The following FBXO11 variants were observed in gnomAD, a reference collection of about 807,000 sequenced individuals.
The protein encoded by FBXO11 is F-box only protein 11.
FBXO11 carries 13 observed loss-of-function variants against 117.0 expected under a neutral mutation model. The ratio of observed to expected loss-of-function variants is 0.11; its 90% CI spans 0.07 to 0.18. FBXO11 has a LOEUF of 0.18. FBXO11 is among the 10% of genes least tolerant of loss of function. The probability of loss-of-function intolerance (pLI) is 1.00; values close to 1 mark genes in which losing one functional copy is unlikely to be tolerated. For missense variants in FBXO11, 767 were observed against 1,164.4 expected (o/e 0.66, Z 4.97); for synonymous variants, 490 against 380.5 (o/e 1.29, Z -3.35).
intron 3 of FBXO11, 27 bp from the exon 4 acceptor site, chr2:47,839,030 T>A (rs757614683): frequency 1.3e-6 from 2 of 1,580,870 alleles, no homozygotes; most frequent in South Asian, 1.2e-5. Context: ...ATATAAACTA[T>A]CATTCGAGCA....
Position 47,888,016 on chromosome 2 carries a change from G to GA in FBXO11, c.232+17472dup, listed in dbSNP as rs953503179. 1.4e-3 allele frequency among the ~76,000 whole-genome samples: 211 copies of GA among 147,228 alleles called. 1 individual carries two copies. The highest frequency in any genetic ancestry group is 4.5e-3 in the South Asian group (21 of 4,654). On this transcript the variant is annotated intron_variant, in intron 1 of 22. Coordinates refer to ENST00000403359, the MANE Select transcript of FBXO11 (RefSeq NM_001190274.2). ...TGGGTGAGAGAGTGAAACCTTGTCT[G>GA]AAAAAAAAAATCCCTAAAAAATGAA...
At chr2:47,819,489 C>A (rs553845029) in intron 14 of FBXO11, among the ~76,000 whole-genome samples, 2 of 152,212 alleles carry the variant, frequency 1.3e-5, no homozygotes, top group African/African-American at 4.8e-5. Flanking sequence ...GCTGGGATTA[C>A]AGGTGTGAGC....
chr2:47,833,122 G>T lies in FBXO11; in HGVS notation c.935-52C>A. The T allele has an allele frequency of 2.4e-6, 3 of 1,242,504 alleles. 1 individual carries two copies. The highest frequency in any genetic ancestry group is 3.5e-6 in the Non-Finnish European group (3 of 851,570). 77.0% of individuals were successfully genotyped at this position (1,242,504 alleles called of 1,614,324 possible). Reference sequence around the variant, plus strand: ...TTACCTTTATTCGATTTCAACAGATGGGTATCTTTATGGAGGGGGAACTTA... The same window carrying T: ...TTACCTTTATTCGATTTCAACAGATTGGTATCTTTATGGAGGGGGAACTTA... On this transcript the variant is annotated intron_variant, in intron 7 of 22. Transcript: ENST00000403359.
chr2:47,835,479 T>C (rs542552439), intron 5 of FBXO11, among the ~76,000 whole-genome samples: 18 of 152,266 alleles, frequency 1.2e-4, no homozygotes, highest in Non-Finnish European at 2.2e-4. Flanking sequence ...GGTTGATAAA[T>C]GTTCATTAAA....
intron 1 of FBXO11, among the ~76,000 whole-genome samples, chr2:47,901,283 T>C (rs1678282854): frequency 6.6e-6 from 1 of 151,178 alleles, no homozygotes; most frequent in African/African-American, 2.4e-5. Flanking sequence ...AGAGTAGAAA[T>C]GAATAGCAAA....
At chr2:47,852,329 A>G (rs920466349) in intron 1 of FBXO11, among the ~76,000 whole-genome samples, 2 of 152,158 alleles carry the variant, frequency 1.3e-5, no homozygotes, top group Non-Finnish European at 2.9e-5. Context: ...GGACCTCACC[A>G]GAGAGAGAAA....
rs116257278 is a variant in FBXO11, at chr2:47,854,566, C to A, written c.233-14797G>T. On this transcript the variant is annotated intron_variant, in intron 1 of 22. Transcript: ENST00000403359. Reference sequence around the variant, plus strand: ...CTGTATGACTGGACAAGTCAATTAACCTCTCTAGAATTCAATTCTTTGCCT... The same window carrying A: ...CTGTATGACTGGACAAGTCAATTAAACTCTCTAGAATTCAATTCTTTGCCT... Among the ~76,000 whole-genome samples, 834 of 152,104 alleles carry A rather than the reference C, an allele frequency of 5.5e-3. 4 individuals are homozygous for A. The highest frequency in any genetic ancestry group is 0.026 in the South Asian group (127 of 4,810).
At chr2:47,810,510 G>C (rs1196161257) in intron 18 of FBXO11, 84 bp from the exon 19 acceptor site, 2 of 777,032 alleles carry the variant, frequency 2.6e-6, no homozygotes, top group African/African-American at 3.6e-5. Context: ...TTTGCTTTTA[G>C]TTTCTTATTT....
chr2:47,872,985 A>T (rs755641173), intron 1 of FBXO11, among the ~76,000 whole-genome samples: 3 of 152,192 alleles, frequency 2.0e-5, no homozygotes, highest in Non-Finnish European at 2.9e-5. Context: ...ACTGGGGCAC[A>T]GGGCTCCACA....
intron 1 of FBXO11, among the ~76,000 whole-genome samples, chr2:47,848,461 CCT>C (rs1327776395): frequency 1.3e-5 from 2 of 152,176 alleles, no homozygotes; most frequent in African/African-American, 4.8e-5. Flanking sequence ...ACCACCCACC[CCT>C]CTGAGTCCGT....
intron 1 of FBXO11, among the ~76,000 whole-genome samples, chr2:47,882,502 G>C (rs1442437041): frequency 1.3e-5 from 2 of 151,774 alleles, no homozygotes; most frequent in African/African-American, 4.8e-5. Flanking sequence ...CTTCTATAGG[G>C]GTTTCAATTC....
chr2:47,841,127 G>A (rs1035843504), intron 1 of FBXO11, among the ~76,000 whole-genome samples: 1 of 151,930 alleles, frequency 6.6e-6, no homozygotes, highest in African/African-American at 2.4e-5. Flanking sequence ...GAACCCGGGA[G>A]GCAGAGCTTG....
chr2:47,905,580 C>CGGCGGA lies in FBXO11; in HGVS notation c.135_140dup (p.Pro48_Pro49dup), dbSNP rs1017331113. 13 of 1,258,536 alleles carry CGGCGGA rather than the reference C, an allele frequency of 1.0e-5. No individual in the cohort carries two copies. The highest frequency in any genetic ancestry group is 1.3e-5 in the Non-Finnish European group (13 of 1,006,166). 78.0% of individuals were successfully genotyped at this position (1,258,536 alleles called of 1,614,324 possible). A position where few individuals can be genotyped will look rare whatever the true frequency, so the allele number is the denominator to read the frequency against. On this transcript the variant is annotated inframe_insertion, in exon 1 of 23. Transcript: ENST00000403359. ...GCTGCTGCTGCTGCTGCTGCGGCGG[C>CGGCGGA]GGCGGAGGCTGCTGCTGGGGCGGCT...
chr2:47,809,919 A>G lies in FBXO11; in HGVS notation c.2339-212T>C. 7.4e-6 allele frequency: 4 copies of G among 537,320 alleles called. No individual in the cohort carries two copies. The South Asian group carries it at 1.1e-4, about 14-fold the overall frequency. 33.3% of individuals were successfully genotyped at this position (537,320 alleles called of 1,614,324 possible). On this transcript the variant is annotated intron_variant, in intron 19 of 22. Transcript: ENST00000403359. ...CAAAACTGCAATTAACTTTCGCACC[A>G]ACCTAACTGTCTTAAAGTTTAAATA...
chr2:47,831,323 T>C (rs1010051107), intron 11 of FBXO11, among the ~76,000 whole-genome samples: 2 of 146,118 alleles, frequency 1.4e-5, no homozygotes, highest in African/African-American at 2.5e-5. Flanking sequence ...GGCTGAGACA[T>C]GAGAATCGCT....
At chr2:47,890,228 A>C (rs1677158930) in intron 1 of FBXO11, among the ~76,000 whole-genome samples, 1 of 152,108 alleles carries the variant, frequency 6.6e-6, no homozygotes, top group Non-Finnish European at 1.5e-5. Context: ...CATCCTTCCA[A>C]AATGCTAGGA....
chr2:47,900,637 TACGTATATACACAC>T (rs1558486584), intron 1 of FBXO11, among the ~76,000 whole-genome samples: 1,128 of 27,678 alleles, frequency 0.041, 177 homozygotes, highest in Non-Finnish European at 0.06. Flanking sequence ...TACACACACG[TACGTATATACACAC>T]GTATACACAC....
intron 1 of FBXO11, among the ~76,000 whole-genome samples, chr2:47,879,162 T>C (rs139410011): frequency 7.4e-4 from 113 of 152,330 alleles, no homozygotes; most frequent in African/African-American, 2.6e-3. Flanking sequence ...TTCCATTATA[T>C]GGTTTTTCCA....
At chr2:47,809,549 T>C in intron 20 of FBXO11, 51 bp downstream of exon 20, 1 of 1,320,600 alleles carries the variant, frequency 7.6e-7, no homozygotes, top group Non-Finnish European at 1.1e-6. Flanking sequence ...CTTCTGATTA[T>C]CTTTCATGGC....
Sources: allele counts gnomAD v4.1 joint callset (sites outside exome capture counted in the v4.1 genomes callset), GRCh38; gene constraint gnomAD v4.1.1; transcripts MANE v1.5; gene names NCBI Gene and HGNC (gene_info 2026-07-23, HGNC 2026-07-21).